HCRTR2: variants seen among roughly 807,000 people sequenced by gnomAD.
HCRTR2 encodes the protein orexin receptor type 2.
HCRTR2 carries 22 observed loss-of-function variants against 49.0 expected under a neutral mutation model. The observed-to-expected ratio is 0.45, with a 90% confidence interval of 0.32 to 0.64. HCRTR2 has a LOEUF of 0.64. Ranked by LOEUF, HCRTR2 falls within the 30% of genes least tolerant of loss-of-function variation. HCRTR2 has a pLI of 0.04. For missense variants in HCRTR2, 491 were observed against 559.4 expected (o/e 0.88, Z 1.23); for synonymous variants, 236 against 205.3 (o/e 1.15, Z -1.28).
chr6:55,196,206 C>A (rs1765406714), intron 1 of HCRTR2, among the ~76,000 whole-genome samples: 3 of 152,104 alleles, frequency 2.0e-5, no homozygotes. Context: ...GGAAACTATC[C>A]TTTTGCCATT....
In HCRTR2 at chr6:55,183,120, C is replaced by T. The variant is rs139882809; in HGVS notation, c.223+8310C>T. Among the ~76,000 whole-genome samples, 919 of 152,292 alleles carry T rather than the reference C, an allele frequency of 6.0e-3. 11 individuals are homozygous for T. The highest frequency in any genetic ancestry group is 0.021 in the African/African-American group (857 of 41,568). ...GGTAATAGAATCCAAGGAACCTGCA[C>T]TCTTTTTGAAAGATAGACACATAAA... On this transcript the variant is annotated intron_variant, in intron 1 of 6. Coordinates refer to ENST00000370862, the MANE Select transcript of HCRTR2 (RefSeq NM_001384272.1).
intron 1 of HCRTR2, among the ~76,000 whole-genome samples, chr6:55,215,011 C>T (rs745731337): frequency 7.9e-5 from 12 of 151,964 alleles, no homozygotes; most frequent in Non-Finnish European, 1.5e-4. Flanking sequence ...AGGCATAAAG[C>T]ATCATTGACA....
intron 1 of HCRTR2, among the ~76,000 whole-genome samples, chr6:55,217,203 G>A (rs902830428): frequency 6.6e-6 from 1 of 152,224 alleles, no homozygotes; most frequent in African/African-American, 2.4e-5. Context: ...TTTCATGAGA[G>A]GGGGCAGTCT....
chr6:55,261,436 G>T (rs917695717), intron 3 of HCRTR2, among the ~76,000 whole-genome samples: 2 of 151,080 alleles, frequency 1.3e-5, no homozygotes, highest in African/African-American at 2.4e-5. Flanking sequence ...ATGGAGCCTC[G>T]CACTGTCGCC....
intron 2 of HCRTR2, among the ~76,000 whole-genome samples, chr6:55,254,350 TTAAC>T (rs1368018914): frequency 6.6e-5 from 10 of 152,230 alleles, no homozygotes; most frequent in East Asian, 1.9e-4. Flanking sequence ...CATAATTACA[TTAAC>T]TAATAATGTG....
chr6:55,262,935 T>C (rs1766795511), intron 3 of HCRTR2, among the ~76,000 whole-genome samples: 1 of 151,354 alleles, frequency 6.6e-6, no homozygotes, highest in Non-Finnish European at 1.5e-5. Context: ...TAATTATAAA[T>C]AAAAAATTAC....
At chr6:55,174,348 C>G, upstream of HCRTR2, 1 of 554,160 alleles carries the variant, frequency 1.8e-6, no homozygotes, top group South Asian at 2.0e-5. Context: ...TGCCGGGTCC[C>G]TAGTTCCTCA....
chr6:55,180,896 T>A (rs1765121905), intron 1 of HCRTR2, among the ~76,000 whole-genome samples: 1 of 152,082 alleles, frequency 6.6e-6, no homozygotes. Flanking sequence ...ACCTCCTGGC[T>A]TCAAGCTATT....
At chr6:55,187,013 A>G (rs1765227321) in intron 1 of HCRTR2, among the ~76,000 whole-genome samples, 2 of 152,178 alleles carry the variant, frequency 1.3e-5, no homozygotes, top group African/African-American at 4.8e-5. Flanking sequence ...AATAGAGAAT[A>G]GGAGAAACAC....
intron 1 of HCRTR2, among the ~76,000 whole-genome samples, chr6:55,226,656 A>C (rs981237439): frequency 4.6e-5 from 7 of 151,570 alleles, no homozygotes; most frequent in African/African-American, 1.7e-4. Flanking sequence ...AAAAACATCC[A>C]AAATCATGTA....
chr6:55,238,304 T>G (rs1766252830), intron 1 of HCRTR2, among the ~76,000 whole-genome samples: 1 of 152,194 alleles, frequency 6.6e-6, no homozygotes, highest in Admixed American at 6.5e-5. Flanking sequence ...ACCTCGTTAT[T>G]ATTTTTGGCA....
chr6:55,114,920 G>A (rs1247637132), intron 1 of HCRTR2, among the ~76,000 whole-genome samples: 1 of 151,726 alleles, frequency 6.6e-6, no homozygotes, highest in African/African-American at 2.4e-5. Context: ...GTGTGGAGAA[G>A]CAAGGTTTTC....
At chr6:55,228,570 T>C (rs898675013) in intron 1 of HCRTR2, among the ~76,000 whole-genome samples, 1 of 152,164 alleles carries the variant, frequency 6.6e-6, no homozygotes, top group African/African-American at 2.4e-5. Flanking sequence ...TCAGTAGACA[T>C]TCTAAATAAA....
chr6:55,261,819 C>T (rs1766762423), intron 3 of HCRTR2, among the ~76,000 whole-genome samples: 2 of 152,062 alleles, frequency 1.3e-5, no homozygotes, highest in Admixed American at 1.3e-4. Context: ...TAAAAAGATA[C>T]CTGCACATGC....
Position 55,206,701 on chromosome 6 carries a change from G to T in HCRTR2, c.223+31891G>T, listed in dbSNP as rs560442295. 2.6e-4 allele frequency among the ~76,000 whole-genome samples: 40 copies of T among 151,980 alleles called. 1 individual carries two copies. Among genetic ancestry groups the T allele is most frequent in the Non-Finnish European group, 5.2e-4 (35 of 67,872 alleles). ...TCAAAAATAAAGAAGGCCAAATAAA[G>T]GTATGTGACATTTGTTGAAAACCTG... On this transcript the variant is annotated intron_variant, in intron 1 of 6. Coordinates refer to ENST00000370862, the MANE Select transcript of HCRTR2 (RefSeq NM_001384272.1).
intron 1 of HCRTR2, among the ~76,000 whole-genome samples, chr6:55,135,634 C>G (rs1290617889): frequency 6.6e-6 from 1 of 152,066 alleles, no homozygotes; most frequent in Non-Finnish European, 1.5e-5. Context: ...ATAGTACTTG[C>G]TATATCTTGA....
intron 1 of HCRTR2, among the ~76,000 whole-genome samples, chr6:55,210,063 C>G (rs916911832): frequency 6.6e-6 from 1 of 151,926 alleles, no homozygotes; most frequent in Non-Finnish European, 1.5e-5. Flanking sequence ...TCAAAGGGAC[C>G]GTTCACCCAC....
At chr6:55,178,233 A>G (rs952450219) in intron 1 of HCRTR2, among the ~76,000 whole-genome samples, 1 of 151,990 alleles carries the variant, frequency 6.6e-6, no homozygotes, top group Non-Finnish European at 1.5e-5. Context: ...CCTAGGGAAA[A>G]TGATCAATTT....
intron 1 of HCRTR2, among the ~76,000 whole-genome samples, chr6:55,161,641 T>C (rs1222040397): frequency 6.6e-6 from 1 of 151,822 alleles, no homozygotes; most frequent in Non-Finnish European, 1.5e-5. Flanking sequence ...TAAAAAATGA[T>C]AAAGGGGAGA....
Sources: allele counts gnomAD v4.1 joint callset (sites outside exome capture counted in the v4.1 genomes callset), GRCh38; gene constraint gnomAD v4.1.1; transcripts MANE v1.5; gene names NCBI Gene and HGNC (gene_info 2026-07-23, HGNC 2026-07-21).